The following PDZD2 variants were observed in gnomAD, a reference collection of about 807,000 sequenced individuals.
PDZD2 encodes the protein PDZ domain-containing protein 2.
A neutral mutation model predicts 220.7 loss-of-function variants in PDZD2; 90 were observed. The ratio of observed to expected loss-of-function variants is 0.41; its 90% CI spans 0.34 to 0.49. The LOEUF is 0.49. Ranked by LOEUF, PDZD2 falls within the 20% of genes least tolerant of loss-of-function variation. The probability of loss-of-function intolerance (pLI) is 0.28; values close to 1 mark genes in which losing one functional copy is unlikely to be tolerated. For missense variants in PDZD2, 3,174 were observed against 3,608.5 expected (o/e 0.88, Z 3.08); for synonymous variants, 1,375 against 1,450.5 (o/e 0.95, Z 1.18).
chr5:31,745,716 C>A (rs558687357), intron 1 of PDZD2, among the ~76,000 whole-genome samples: 1 of 151,946 alleles, frequency 6.6e-6, no homozygotes, highest in Admixed American at 6.6e-5. Flanking sequence ...TCTTCTATTT[C>A]TAGTTGTATT....
At chr5:32,029,951 G>A (rs1561393108) in intron 6 of PDZD2, among the ~76,000 whole-genome samples, 1 of 152,238 alleles carries the variant, frequency 6.6e-6, no homozygotes, top group Admixed American at 6.5e-5. Context: ...TCACGACCAT[G>A]AACTTAAAGC....
At chr5:32,047,841 A>G (rs1287189791) in intron 7 of PDZD2, among the ~76,000 whole-genome samples, 2 of 152,254 alleles carry the variant, frequency 1.3e-5, no homozygotes, top group Non-Finnish European at 2.9e-5. Context: ...AATCTCATAA[A>G]CAAATGCTAA....
At chr5:31,953,356 C>T (rs1036527979) in intron 2 of PDZD2, among the ~76,000 whole-genome samples, 3 of 152,022 alleles carry the variant, frequency 2.0e-5, no homozygotes, top group Non-Finnish European at 4.4e-5. Context: ...CACAAAATTC[C>T]AGATGAGATA....
At chr5:32,047,623 C>T (rs1245653910) in intron 7 of PDZD2, among the ~76,000 whole-genome samples, 1 of 152,124 alleles carries the variant, frequency 6.6e-6, no homozygotes, top group Non-Finnish European at 1.5e-5. Context: ...AACTCTTTAC[C>T]AAAAGAAGTG....
At chr5:31,852,262 C>CA in intron 2 of PDZD2, among the ~76,000 whole-genome samples, 1 of 152,134 alleles carries the variant, frequency 6.6e-6, no homozygotes, top group East Asian at 1.9e-4. Context: ...TAAAACCATA[C>CA]ATTTATTTTT....
At position 31,799,553 on chromosome 5, in the gene PDZD2, G is replaced by C. The variant is rs779622739; in HGVS notation, c.305G>C (p.Gly102Ala). 3.1e-6 allele frequency: 5 copies of C among 1,614,040 alleles called. No individual in the cohort carries two copies. Among genetic ancestry groups the C allele is most frequent in the African/African-American group, 2.7e-5 (2 of 74,932 alleles). Residue 102 changes from glycine to alanine, a missense_variant, in exon 2 of 25, where the codon GGG becomes GCG. By Grantham distance (60) the Gly-to-Ala change is moderately conservative. Around this residue, in one of 4 missense-constraint regions of PDZD2, gnomAD observed 632 missense variants for 708.1 expected, o/e 0.89. Transcript: ENST00000438447. Reference sequence around the variant, plus strand: ...GGGGACTATGGTGAAAAGCGCAGGGGGGGCAAGAAGAGGAAAACCCACCAG... The same window carrying C: ...GGGGACTATGGTGAAAAGCGCAGGGCGGGCAAGAAGAGGAAAACCCACCAG... ...VFGDYGEKRR[G>A]GKKRKTHQGP...
At chr5:31,650,388 A>G (rs761378770) in intron 1 of PDZD2, among the ~76,000 whole-genome samples, 1 of 152,094 alleles carries the variant, frequency 6.6e-6, no homozygotes, top group South Asian at 2.1e-4. Context: ...CCTATTCCCA[A>G]CCACGATTCC....
intron 2 of PDZD2, among the ~76,000 whole-genome samples, chr5:31,829,564 G>A (rs1328146228): frequency 5.3e-5 from 8 of 151,766 alleles, no homozygotes; most frequent in Admixed American, 1.3e-4. Context: ...TGATCCACCC[G>A]CCTCGGCCTC....
Position 32,048,554 on chromosome 5 carries a change from T to C in PDZD2, c.1535T>C (p.Leu512Pro). 1.2e-6 allele frequency: 2 copies of C among 1,613,856 alleles called. No homozygotes were observed. The highest frequency in any genetic ancestry group is 1.7e-6 in the Non-Finnish European group (2 of 1,179,748). The change falls in exon 8 of 25, where the codon CTT (leucine) becomes CCT (proline). Residue 512 changes from leucine (L) to proline (P), a missense_variant. Physicochemically the swap from Leu to Pro is moderately conservative, Grantham distance 98. This residue lies in a region of PDZD2 where 632 missense variants were observed against 708.1 expected (regional missense o/e 0.89). Coordinates refer to ENST00000438447, the MANE Select transcript of PDZD2 (RefSeq NM_178140.4). ...TTTTCTCAAGGGGGTGTACACCGCC[T>C]TGAGTCAGTTGAAGAATATAACGAG... ...KSRLSGGVHR[L>P]ESVEEYNELM...
rs185883462 is a variant in PDZD2 at position 31,925,933 on chromosome 5, A to G, written c.477-57222A>G. Among the ~76,000 whole-genome samples the G allele has an allele frequency of 2.0e-5, 3 of 152,300 alleles. No homozygotes were observed. In the East Asian group the frequency reaches 5.8e-4, roughly 29 times the overall value. ...ATACCATCTCACACCAATGGCAGTT[A>G]TTTATGAAGTCAAGTGCCTCATGCC... On this transcript the variant is annotated intron_variant, in intron 2 of 24. Transcript: ENST00000438447.
chr5:31,768,686 G>C (rs1752170889), intron 1 of PDZD2, among the ~76,000 whole-genome samples: 1 of 151,814 alleles, frequency 6.6e-6, no homozygotes, highest in African/African-American at 2.4e-5. Context: ...GACTTCAGCA[G>C]TGATGAGGCT....
chr5:31,652,945 G>A (rs1367628550), intron 1 of PDZD2, among the ~76,000 whole-genome samples: 2 of 152,102 alleles, frequency 1.3e-5, no homozygotes, highest in Non-Finnish European at 2.9e-5. Context: ...CTGGGAGGCG[G>A]AGGTTTCAGT....
intron 1 of PDZD2, chr5:31,725,937 A>C: frequency 1.5e-6 from 1 of 659,170 alleles, no homozygotes. Flanking sequence ...CTGGGTCTCC[A>C]CTCTCTGCCG....
chr5:31,842,395 G>A (rs920288887), intron 2 of PDZD2, among the ~76,000 whole-genome samples: 10 of 152,108 alleles, frequency 6.6e-5, no homozygotes, highest in African/African-American at 1.9e-4. Context: ...TCTAAATCCA[G>A]GCCTCCTGGC....
chr5:31,672,039 T>A (rs923877169), intron 1 of PDZD2, among the ~76,000 whole-genome samples: 3 of 152,130 alleles, frequency 2.0e-5, no homozygotes, highest in African/African-American at 7.2e-5. Flanking sequence ...AGTAGGAGGT[T>A]TAGCAGCATC....
chr5:31,980,823 G>A (rs564556416), intron 2 of PDZD2, among the ~76,000 whole-genome samples: 30 of 152,168 alleles, frequency 2.0e-4, no homozygotes, highest in Non-Finnish European at 3.4e-4. Flanking sequence ...TTGCTCTGTC[G>A]CCCAGGCTGG....
intron 2 of PDZD2, among the ~76,000 whole-genome samples, chr5:31,942,206 G>A (rs192204442): frequency 1.2e-4 from 19 of 152,056 alleles, no homozygotes; most frequent in Non-Finnish European, 1.8e-4. Context: ...TTTTATGGCC[G>A]TATCTAACAT....
At chr5:31,788,956 G>C (rs1462920941) in intron 1 of PDZD2, among the ~76,000 whole-genome samples, 1 of 152,216 alleles carries the variant, frequency 6.6e-6, no homozygotes, top group Non-Finnish European at 1.5e-5. Flanking sequence ...GAAGTTGAAG[G>C]ACTCAGGATT....
intron 2 of PDZD2, among the ~76,000 whole-genome samples, chr5:31,839,562 C>G (rs1212882192): frequency 6.6e-6 from 1 of 152,146 alleles, no homozygotes; most frequent in South Asian, 2.1e-4. Flanking sequence ...TTTCAAGAAG[C>G]TTGGGCTGGA....
Sources: allele counts gnomAD v4.1 joint callset (sites outside exome capture counted in the v4.1 genomes callset), GRCh38; gene constraint gnomAD v4.1.1; regional missense constraint gnomAD v4.1.1; transcripts MANE v1.5; gene names NCBI Gene and HGNC (gene_info 2026-07-23, HGNC 2026-07-21).